FAM25G: variants seen among roughly 807,000 people sequenced by gnomAD.
The protein encoded by FAM25G is family with sequence similarity 25 member G.
A neutral mutation model predicts 6.4 loss-of-function variants in FAM25G; 3 were observed. The observed-to-expected ratio is 0.47, with a 90% CI of 0.21 to 1.21. The LOEUF (loss-of-function observed/expected upper bound fraction) is 1.21. Among genes scored for constraint, FAM25G ranks in the 50% most tolerant of loss-of-function variants. The pLI is 0.22. For synonymous variants in FAM25G, 15 were observed against 31.3 expected (o/e 0.48, Z 1.74); for missense variants, 34 against 76.0 (o/e 0.45, Z 2.06).
At chr10:47,490,291 C>A (rs1247112050) in intron 1 of FAM25G, 1 of 156,506 alleles carries the variant, frequency 6.4e-6, no homozygotes, top group Non-Finnish European at 1.4e-5. Flanking sequence ...CTCTACCTTC[C>A]ACCTCTTGGT....
chr10:47,490,136 G>A (rs1188260080), intron 1 of FAM25G, among the ~76,000 whole-genome samples: 2 of 151,240 alleles, frequency 1.3e-5, no homozygotes, highest in South Asian at 2.1e-4. Context: ...GGTTTCCAAA[G>A]CCTCATCCAC....
At chr10:47,487,773 T>TG (rs1840072955) in intron 2 of FAM25G, among the ~76,000 whole-genome samples, 1 of 141,130 alleles carries the variant, frequency 7.1e-6, no homozygotes, top group African/African-American at 2.6e-5. Context: ...TGGTTTATAG[T>TG]GTTTTTTTTT....
In FAM25G at chr10:47,488,654, G is replaced by GTAC. The variant is rs1840087587; in HGVS notation, c.136+929_136+931dup. The stretch of plus-strand genomic sequence containing the variant: ...GAGATATACACATGCTTTGTACATA[G>GTAC]TACTACTCATAGCTCACACACATCA... On this transcript the variant is annotated intron_variant, in intron 2 of 2. Transcript: ENST00000452267. Among the ~76,000 whole-genome samples, 8 of 138,140 alleles carry GTAC rather than the reference G, an allele frequency of 5.8e-5. No homozygotes were observed. The South Asian group carries it at 2.0e-3, about 34-fold the overall frequency. The allele number at this position is 138,140 out of a possible 152,430, so 90.6% of individuals were successfully genotyped here. A position where few individuals can be genotyped will look rare whatever the true frequency, so the allele number is the denominator to read the frequency against.
chr10:47,487,248 G>A lies in FAM25G; in HGVS notation c.*27C>T. 1 of 1,244,154 alleles carries A rather than the reference G, an allele frequency of 8.0e-7. No individual in the cohort carries two copies. The highest frequency in any genetic ancestry group is 1.5e-5 in the African/African-American group (1 of 67,144). 77.1% of individuals were successfully genotyped at this position (1,244,154 alleles called of 1,614,324 possible). ...CATGTCATGGCTTTTTATTGAGACT[G>A]GGGAAGGGCCGTGGTAGCAGGTGCA... On this transcript the variant is annotated 3_prime_UTR_variant, in exon 3 of 3. Coordinates refer to ENST00000452267, the MANE Select transcript of FAM25G (RefSeq NM_001137549.2).
rs1242434438 is a variant in FAM25G, at chr10:47,489,969, G to A, written c.74-321C>T. On this transcript the variant is annotated intron_variant, in intron 1 of 2. Transcript: ENST00000452267. Reference sequence around the variant, plus strand: ...TTGGCTGCTGGGAGACGAGCTCAATGAGCCCCATGAGGGCATGGGTCCCTG... The same window carrying A: ...TTGGCTGCTGGGAGACGAGCTCAATAAGCCCCATGAGGGCATGGGTCCCTG... 1.9e-4 allele frequency among the ~76,000 whole-genome samples: 29 copies of A among 150,616 alleles called. 1 individual carries two copies. The highest frequency in any genetic ancestry group is 6.7e-4 in the African/African-American group (27 of 40,566).
At position 47,491,623 on chromosome 10, in the gene FAM25G, C is replaced by T. The variant is rs1262670921; in HGVS notation, c.52G>A (p.Glu18Lys). ...TCACTGGCTCCCTCGGTGGCCTTCT[C>T]GGTGCGGTGGGCCAGGCCCTCGGCA... is the stretch of plus-strand genomic sequence containing the variant. The part of the protein sequence containing the change: ...LAAEGLAHRT[E>K]KATEGAIHAV... The change falls in exon 1 of 3, where the codon GAG (glutamate) becomes AAG (lysine). Residue 18 changes from glutamate (E) to lysine (K), a missense_variant. Glu to Lys is a moderately conservative substitution (Grantham distance 56). Transcript: ENST00000452267. 1.4e-5 allele frequency: 22 copies of T among 1,535,110 alleles called. No individual in the cohort carries two copies. Among genetic ancestry groups the T allele is most frequent in the Middle Eastern group, 4.6e-4 (2 of 4,324 alleles).
At chr10:47,488,055 C>T (rs1399185248) in intron 2 of FAM25G, among the ~76,000 whole-genome samples, 2 of 138,212 alleles carry the variant, frequency 1.4e-5, no homozygotes, top group African/African-American at 2.6e-5. Flanking sequence ...AGAGCTAGCT[C>T]CTTCCACCAT....
chr10:47,488,775 T>C (rs1840091961), intron 2 of FAM25G, among the ~76,000 whole-genome samples: 1 of 126,848 alleles, frequency 7.9e-6, no homozygotes, highest in African/African-American at 3.0e-5. Context: ...TCGCCCAGGC[T>C]GGAGTGCAGT....
Position 47,487,548 on chromosome 10 carries a change from A to G in FAM25G, c.137-140T>C, listed in dbSNP as rs1320667085. 1.9e-5 allele frequency: 7 copies of G among 372,728 alleles called. No individual in the cohort carries two copies. In the East Asian group the frequency reaches 4.4e-4, roughly 24 times the overall value. 23.1% of individuals were successfully genotyped at this position (372,728 alleles called of 1,614,324 possible). A position where few individuals can be genotyped will look rare whatever the true frequency, so the allele number is the denominator to read the frequency against. The stretch of plus-strand genomic sequence containing the variant: ...ACCAAGGGCAGCAGGATTACTGCAG[A>G]ATGAATTTGAATTTGGTTTTAATTT... On this transcript the variant is annotated intron_variant, in intron 2 of 2. Coordinates refer to ENST00000452267, the MANE Select transcript of FAM25G (RefSeq NM_001137549.2).
chr10:47,489,544 TCCTC>T, intron 2 of FAM25G, 38 bp downstream of exon 2: 1 of 599,972 alleles, frequency 1.7e-6, no homozygotes, highest in East Asian at 2.9e-5. Context: ...TAGCTTCCCT[TCCTC>T]CCTCCCTCCT....
intron 1 of FAM25G, 143 bp downstream of exon 1, chr10:47,491,459 A>G (rs1840150257): frequency 3.5e-6 from 2 of 574,264 alleles, no homozygotes; most frequent in Non-Finnish European, 5.9e-6. Context: ...CTCCGTGCTG[A>G]CTTGGTAGAG....
chr10:47,487,879 T>G (rs1840074921), intron 2 of FAM25G, among the ~76,000 whole-genome samples: 1 of 150,826 alleles, frequency 6.6e-6, no homozygotes, highest in Non-Finnish European at 1.5e-5. Flanking sequence ...GATTCTCCCC[T>G]CTCCAAGATT....
At chr10:47,487,878 C>T (rs1162972938) in intron 2 of FAM25G, among the ~76,000 whole-genome samples, 4 of 150,614 alleles carry the variant, frequency 2.7e-5, no homozygotes, top group African/African-American at 9.8e-5. Context: ...AGATTCTCCC[C>T]TCTCCAAGAT....
chr10:47,487,362 C>G lies in FAM25G; in HGVS notation c.183G>C (p.Lys61Asn). ...TCACTGTCTCGGTGATTTCCTTCAT[C>G]TTTTTGTCCCCTGACTCCTGGGCTT... ...IKKAQESGDK[K>N]MKEITETVTN... The change falls in exon 3 of 3, where the codon AAG becomes AAC. Residue 61 changes from lysine to asparagine, a missense_variant. By Grantham distance (94) the Lys-to-Asn change is moderately conservative. Transcript: ENST00000452267. 5 of 831,066 alleles carry G rather than the reference C, an allele frequency of 6.0e-6. No homozygotes were observed. The highest frequency in any genetic ancestry group is 9.1e-6 in the Non-Finnish European group (5 of 549,448). The allele number at this position is 831,066 out of a possible 1,614,324, so 51.5% of individuals were successfully genotyped here.
In FAM25G at chr10:47,490,126, G is replaced by C. The variant is rs1242068703; in HGVS notation, c.74-478C>G. Among the ~76,000 whole-genome samples, 22 of 151,012 alleles carry C rather than the reference G, an allele frequency of 1.5e-4. 1 individual carries two copies. The highest frequency in any genetic ancestry group is 5.4e-4 in the African/African-American group (22 of 40,626). On this transcript the variant is annotated intron_variant, in intron 1 of 2. Coordinates refer to ENST00000452267, the MANE Select transcript of FAM25G (RefSeq NM_001137549.2). ...GATGTGCTAGCGCCTGCCTCAGGTT[G>C]GTTTCCAAAGCCTCATCCACTAAGA...
At chr10:47,488,534 T>C (rs1231995125) in intron 2 of FAM25G, among the ~76,000 whole-genome samples, 2 of 151,388 alleles carry the variant, frequency 1.3e-5, no homozygotes, top group Non-Finnish European at 2.9e-5. Flanking sequence ...AAGAGCAGCC[T>C]GAGCTAAGAT....
At chr10:47,489,376 A>T (rs1279819593) in intron 2 of FAM25G, among the ~76,000 whole-genome samples, 12 of 150,808 alleles carry the variant, frequency 8.0e-5, no homozygotes, top group Non-Finnish European at 1.6e-4. Flanking sequence ...TTGTCTTCTT[A>T]TTCCACAGAG....
In FAM25G at chr10:47,487,387, T is replaced by C; in HGVS notation, c.158A>G (p.Lys53Arg). The C allele has an allele frequency of 9.9e-7, 1 of 1,008,178 alleles. No homozygotes were observed. Among genetic ancestry groups the C allele is most frequent in the Non-Finnish European group, 1.4e-6 (1 of 708,242 alleles). 62.5% of individuals were successfully genotyped at this position (1,008,178 alleles called of 1,614,324 possible). A position where few individuals can be genotyped will look rare whatever the true frequency, so the allele number is the denominator to read the frequency against. Residue 53 changes from lysine to arginine, a missense_variant, in exon 3 of 3, where the codon AAA becomes AGA. Physicochemically the swap from Lys to Arg is conservative, Grantham distance 26. Coordinates refer to ENST00000452267, the MANE Select transcript of FAM25G (RefSeq NM_001137549.2). ...CTTTTTGTCCCCTGACTCCTGGGCT[T>C]TCTTTATGGCTTCAGCAATGGCTGT... ...GEKAIAEAIK[K>R]AQESGDKKMK...
At chr10:47,489,741 C>T in intron 1 of FAM25G, 93 bp from the exon 2 acceptor site, 2 of 529,000 alleles carry the variant, frequency 3.8e-6, no homozygotes, top group South Asian at 2.1e-5. Context: ...CCGCTGCCCT[C>T]CCAGTCCAGG....
Sources: gnomAD v4.1 joint callset for allele counts (sites outside exome capture counted in the v4.1 genomes callset) on GRCh38, gnomAD v4.1.1 for gene constraint, MANE v1.5 for transcripts, NCBI Gene and HGNC (gene_info 2026-07-23, HGNC 2026-07-21) for gene names.